ENOX1: variants seen among roughly 807,000 people sequenced by gnomAD.
ENOX1 encodes ecto-NOX disulfide-thiol exchanger 1, also known as candidate growth-related and time keeping constitutive hydroquinone (NADH) oxidase.
Under a neutral mutation model 82.5 loss-of-function variants are expected in ENOX1, and 42 were observed. That is an observed-to-expected ratio of 0.51 (90% CI 0.40 to 0.66). The LOEUF (loss-of-function observed/expected upper bound fraction) is 0.66, where lower values mean the gene tolerates loss of function less well. Ranked by LOEUF, ENOX1 falls within the 30% of genes least tolerant of loss-of-function variation. The pLI, the probability that ENOX1 is intolerant of heterozygous loss-of-function variation, is 0.00. For synonymous variants in ENOX1, 271 were observed against 282.2 expected, an observed-to-expected ratio of 0.96 and a Z score of 0.40; for missense variants, 608 against 811.6, an observed-to-expected ratio of 0.75 and a Z score of 3.05.
intron 2 of ENOX1, among the ~76,000 whole-genome samples, chr13:43,611,137 T>C (rs1168058943): frequency 6.6e-6 from 1 of 152,206 alleles, no homozygotes; most frequent in East Asian, 1.9e-4. Context: ...CTAAGTGTTA[T>C]ATGTGGAAAG....
chr13:43,359,331 T>A (rs895268594), intron 7 of ENOX1, among the ~76,000 whole-genome samples: 1 of 152,168 alleles, frequency 6.6e-6, no homozygotes, highest in Non-Finnish European at 1.5e-5. Flanking sequence ...AATCTCAGTA[T>A]CTGTAAAAAT....
At chr13:43,281,551 T>A (rs1429105654) in intron 12 of ENOX1, among the ~76,000 whole-genome samples, 1 of 152,186 alleles carries the variant, frequency 6.6e-6, no homozygotes, top group African/African-American at 2.4e-5. Context: ...CACATGCCTG[T>A]GATGAAGTGC....
intron 5 of ENOX1, among the ~76,000 whole-genome samples, chr13:43,364,884 T>C (rs7338105): frequency 0.3 from 45,308 of 152,050 alleles, 6,867 homozygotes; most frequent in East Asian, 0.46. Flanking sequence ...AGGGAATTGC[T>C]GGGAGAGAGC....
chr13:43,674,671 T>C (rs1382810061), intron 1 of ENOX1, among the ~76,000 whole-genome samples: 1 of 152,170 alleles, frequency 6.6e-6, no homozygotes, highest in Non-Finnish European at 1.5e-5. Flanking sequence ...TACATGTCAT[T>C]ATACGTTTAT....
intron 5 of ENOX1, among the ~76,000 whole-genome samples, chr13:43,409,479 T>C (rs1397190705): frequency 2.0e-5 from 3 of 152,202 alleles, no homozygotes. Context: ...ATTTAATGTA[T>C]GCTTACCATA....
chr13:43,610,983 A>C (rs2082176347), intron 2 of ENOX1, among the ~76,000 whole-genome samples: 1 of 152,194 alleles, frequency 6.6e-6, no homozygotes, highest in Admixed American at 6.5e-5. Context: ...TATTCAATAG[A>C]GAGAGTTCAG....
intron 12 of ENOX1, among the ~76,000 whole-genome samples, chr13:43,294,606 C>T (rs113716384): frequency 6.6e-6 from 1 of 152,086 alleles, no homozygotes. Context: ...TGCCATATGA[C>T]CCAACAATCA....
chr13:43,465,445 G>C (rs549924789), intron 3 of ENOX1, among the ~76,000 whole-genome samples: 53 of 151,820 alleles, frequency 3.5e-4, no homozygotes, highest in African/African-American at 1.2e-3. Context: ...TGTTTTTTGA[G>C]CACTTATTTT....
chr13:43,237,706 T>C (rs561381551), intron 14 of ENOX1, among the ~76,000 whole-genome samples: 3 of 152,290 alleles, frequency 2.0e-5, no homozygotes, highest in South Asian at 2.1e-4. Context: ...GATATTTAGA[T>C]AGTTAGTACA....
intron 2 of ENOX1, among the ~76,000 whole-genome samples, chr13:43,543,572 T>C (rs1045480459): frequency 1.3e-5 from 2 of 151,962 alleles, no homozygotes; most frequent in Admixed American, 6.6e-5. Context: ...AGGACTGTTA[T>C]GTTAAAGACC....
intron 11 of ENOX1, among the ~76,000 whole-genome samples, chr13:43,319,492 A>G (rs1211205810): frequency 1.3e-5 from 2 of 152,258 alleles, no homozygotes; most frequent in African/African-American, 4.8e-5. Context: ...AAGGTATCAT[A>G]TAAGTCCTTA....
At chr13:43,383,879 G>A (rs2052236287) in intron 5 of ENOX1, among the ~76,000 whole-genome samples, 1 of 152,156 alleles carries the variant, frequency 6.6e-6, no homozygotes, top group Non-Finnish European at 1.5e-5. Flanking sequence ...TCTCAATTCT[G>A]AGCATCCTTC....
At chr13:43,477,014 A>G (rs763304180) in intron 3 of ENOX1, among the ~76,000 whole-genome samples, 1 of 151,350 alleles carries the variant, frequency 6.6e-6, no homozygotes, top group Non-Finnish European at 1.5e-5. Context: ...TATGAATGAA[A>G]CAGATCTCCA....
intron 2 of ENOX1, among the ~76,000 whole-genome samples, chr13:43,641,531 T>C (rs1004031940): frequency 8.9e-6 from 1 of 112,742 alleles, no homozygotes. Flanking sequence ...AATTTTTAAT[T>C]TTTTTTTTTT....
chr13:43,371,391 G>A lies in ENOX1; in HGVS notation c.209-9939C>T, dbSNP rs374543145. On this transcript the variant is annotated intron_variant, in intron 5 of 16. Transcript: ENST00000690772. ...TTATAATTTCTTTCTGGCATTCAAT[G>A]CCTCCTTGCTCTATAGAACTTCCTC... Among the ~76,000 whole-genome samples, 96 of 152,254 alleles carry A rather than the reference G, an allele frequency of 6.3e-4. No homozygotes were observed. The South Asian group carries it at 0.019, about 30-fold the overall frequency.
intron 5 of ENOX1, among the ~76,000 whole-genome samples, chr13:43,408,615 T>C (rs1165963129): frequency 6.6e-6 from 1 of 152,128 alleles, no homozygotes; most frequent in East Asian, 1.9e-4. Context: ...CGTGGCTCTA[T>C]GGCTACGTGG....
At chr13:43,644,313 G>T (rs1489835841) in intron 2 of ENOX1, among the ~76,000 whole-genome samples, 1 of 152,102 alleles carries the variant, frequency 6.6e-6, no homozygotes. Context: ...ATTTTATTCT[G>T]GGAATTTAAG....
At chr13:43,742,023 A>C (rs1381853741) in intron 1 of ENOX1, among the ~76,000 whole-genome samples, 2 of 152,156 alleles carry the variant, frequency 1.3e-5, no homozygotes, top group African/African-American at 4.8e-5. Context: ...ATTACCTTGC[A>C]CTCTTATAAA....
intron 14 of ENOX1, among the ~76,000 whole-genome samples, chr13:43,264,756 T>TATA (rs2044272127): frequency 1.3e-5 from 2 of 152,130 alleles, no homozygotes; most frequent in South Asian, 4.1e-4. Flanking sequence ...ATCTACAGGG[T>TATA]ATAATATTCC....
Sources: gnomAD v4.1 joint callset for allele counts (sites outside exome capture counted in the v4.1 genomes callset) on GRCh38, gnomAD v4.1.1 for gene constraint, MANE v1.5 for transcripts, NCBI Gene and HGNC (gene_info 2026-07-23, HGNC 2026-07-21) for gene names.